The following RNF181 variants were observed in gnomAD, a reference collection of about 807,000 sequenced individuals.
RNF181 encodes the protein E3 ubiquitin-protein ligase RNF181.
Under a neutral mutation model 23.3 loss-of-function variants are expected in RNF181, and 25 were observed. That is an observed-to-expected ratio of 1.07 (90% CI 0.78 to 1.50). RNF181 has a LOEUF of 1.50. RNF181 is among the 40% of genes most tolerant of loss of function. RNF181 has a pLI of 0.00. For missense variants in RNF181, 167 were observed against 191.1 expected, an observed-to-expected ratio of 0.87 and a Z score of 0.74; for synonymous variants, 62 against 70.9, an observed-to-expected ratio of 0.87 and a Z score of 0.63.
rs1449850169 is a variant in RNF181, at chr2:85,596,890, C to G, written c.286C>G (p.His96Asp). 1 of 1,614,204 alleles carries G rather than the reference C, an allele frequency of 6.2e-7. No homozygotes were observed. The highest frequency in any genetic ancestry group is 1.3e-5 in the African/African-American group (1 of 75,038). The change falls in exon 3 of 5, where the codon CAC becomes GAC. Residue 96 changes from histidine to aspartate, a missense_variant. His to Asp is a moderately conservative substitution (Grantham distance 81). Coordinates refer to ENST00000306368, the MANE Select transcript of RNF181 (RefSeq NM_016494.4). ...EETAIEMPCH[H>D]LFHSSCILPW... ...GACTGCCATTGAGATGCCTTGCCAT[C>G]ACCTTTTCCATTCCAGCTGCATTCT...
Position 85,597,588 on chromosome 2 carries a change from G to A in RNF181, c.*84G>A. 6.3e-7 allele frequency: 1 copy of A among 1,584,662 alleles called. No homozygotes were observed. Among genetic ancestry groups the A allele is most frequent in the Non-Finnish European group, 8.6e-7 (1 of 1,167,108 alleles). On this transcript the variant is annotated 3_prime_UTR_variant, in exon 5 of 5. Transcript: ENST00000306368. ...TAAAGGTTTCTTTACCCACCCTGAG[G>A]CTGTATTGATCACAGACCTGGCCAG...
rs377168648 is a variant in RNF181 at position 85,597,535 on chromosome 2, G to T, written c.*31G>T. The T allele has an allele frequency of 6.2e-7, 1 of 1,612,922 alleles. No individual in the cohort carries two copies. Among genetic ancestry groups the T allele is most frequent in the East Asian group, 2.2e-5 (1 of 44,878 alleles). Reference sequence around the variant, plus strand: ...TTGGGGCTGAGTGCTGGCCCTCTGCGTCTTCCTTATTAACCTTGAATCCTC... The same window carrying T: ...TTGGGGCTGAGTGCTGGCCCTCTGCTTCTTCCTTATTAACCTTGAATCCTC... On this transcript the variant is annotated 3_prime_UTR_variant, in exon 5 of 5. Coordinates refer to ENST00000306368, the MANE Select transcript of RNF181 (RefSeq NM_016494.4).
In RNF181 at chr2:85,595,806, C is replaced by T. The variant is rs1440458183; in HGVS notation, c.43C>T (p.Pro15Ser). 1 of 1,614,026 alleles carries T rather than the reference C, an allele frequency of 6.2e-7. No homozygotes were observed. Among genetic ancestry groups the T allele is most frequent in the South Asian group, 1.1e-5 (1 of 91,070 alleles). ...FDEHDCEPSDPEQETRTNMLL... is the reference protein window; with the variant it reads ...FDEHDCEPSDSEQETRTNMLL... ...TGAACACGACTGCGAGCCGTCGGAC[C>T]CTGAGCAGGAGACGCGAACCAACAT... is the stretch of plus-strand genomic sequence containing the variant. Residue 15 changes from proline (P) to serine (S), a missense_variant, in exon 1 of 5, where the codon CCT (proline) becomes TCT (serine). Coordinates refer to ENST00000306368, the MANE Select transcript of RNF181 (RefSeq NM_016494.4).
intron 1 of RNF181, 88 bp from the exon 2 acceptor site, chr2:85,596,431 G>C: frequency 7.4e-7 from 1 of 1,359,950 alleles, no homozygotes; most frequent in Non-Finnish European, 1.0e-6. Flanking sequence ...TACTAGCTGG[G>C]CAGCGTGTTT....
At chr2:85,596,444 T>TAA (rs1412191545) in intron 1 of RNF181, 75 bp from the exon 2 acceptor site, 6 of 1,461,402 alleles carry the variant, frequency 4.1e-6, no homozygotes, top group Non-Finnish European at 5.5e-6. Context: ...GCGTGTTTAT[T>TAA]AATGTCCAGT....
chr2:85,595,847 A>C lies in RNF181; in HGVS notation c.84A>C (p.Ala28=). 6.2e-7 allele frequency: 1 copy of C among 1,613,620 alleles called. No homozygotes were observed. Among genetic ancestry groups the C allele is most frequent in the East Asian group, 2.2e-5 (1 of 44,858 alleles). ...ETRTNMLLEL[A]RSLFNRMDFE... Reference sequence around the variant, plus strand: ...GAACCAACATGCTGCTGGAGCTCGCAAGGTGGGTGCGCGGGGCTTGGGGAT... The same window carrying C: ...GAACCAACATGCTGCTGGAGCTCGCCAGGTGGGTGCGCGGGGCTTGGGGAT... The change falls in exon 1 of 5, where the codon GCA becomes GCC. Residue 28 remains alanine (A), a splice_region_variant and synonymous_variant. Transcript: ENST00000306368.
At chr2:85,596,072 G>T (rs1573353768) in intron 1 of RNF181, among the ~76,000 whole-genome samples, 1 of 152,044 alleles carries the variant, frequency 6.6e-6, no homozygotes, top group Non-Finnish European at 1.5e-5. Flanking sequence ...GGAAAGATTG[G>T]AGCTGGAGAG....
chr2:85,595,996 G>T (rs981124893), intron 1 of RNF181, 147 bp downstream of exon 1: 2 of 707,668 alleles, frequency 2.8e-6, no homozygotes, highest in African/African-American at 3.5e-5. Flanking sequence ...AGACTGAGGG[G>T]TGTGGGGATG....
At position 85,597,087 on chromosome 2, in the gene RNF181, T is replaced by C. The variant is rs1335115386; in HGVS notation, c.328-17T>C. The C allele has an allele frequency of 1.2e-6, 2 of 1,614,184 alleles. No homozygotes were observed. Among genetic ancestry groups the C allele is most frequent in the Non-Finnish European group, 1.7e-6 (2 of 1,180,020 alleles). On this transcript the variant is annotated splice_polypyrimidine_tract_variant and intron_variant, in intron 3 of 4. Coordinates refer to ENST00000306368, the MANE Select transcript of RNF181 (RefSeq NM_016494.4). Reference sequence around the variant, plus strand: ...GAAGATCAGACCAAGGCTAGAACACTACTCTACTTTTCTCAGACAAATTCC... The same window carrying C: ...GAAGATCAGACCAAGGCTAGAACACCACTCTACTTTTCTCAGACAAATTCC...
intron 4 of RNF181, 102 bp from the exon 5 acceptor site, chr2:85,597,343 G>A (rs1468270236): frequency 2.9e-5 from 42 of 1,458,070 alleles, no homozygotes; most frequent in Admixed American, 4.3e-5. Context: ...CAATGCAGAC[G>A]CCAGAGGCCT....
intron 1 of RNF181, among the ~76,000 whole-genome samples, chr2:85,596,126 CAG>C (rs1558826977): frequency 1.3e-5 from 2 of 151,310 alleles, no homozygotes; most frequent in East Asian, 3.9e-4. Flanking sequence ...TGGGAGGTCT[CAG>C]AGAAGGTGAG....
rs1487054795 is a variant in RNF181, at chr2:85,596,911, A to T, written c.307A>T (p.Ile103Phe). Reference protein sequence around the residue: ...PCHHLFHSSCILPWLSKTNSC... With the variant: ...PCHHLFHSSCFLPWLSKTNSC... Reference sequence around the variant, plus strand: ...CCATCACCTTTTCCATTCCAGCTGCATTCTGCCCTGGCTAAGCAAGGTACT... The same window carrying T: ...CCATCACCTTTTCCATTCCAGCTGCTTTCTGCCCTGGCTAAGCAAGGTACT... Residue 103 changes from isoleucine (I) to phenylalanine (F), a missense_variant, in exon 3 of 5, where the codon ATT becomes TTT. Physicochemically the swap from Ile to Phe is conservative, Grantham distance 21 (BLOSUM62 0). Coordinates refer to ENST00000306368, the MANE Select transcript of RNF181 (RefSeq NM_016494.4). The T allele has an allele frequency of 6.2e-6, 10 of 1,614,168 alleles. No individual in the cohort carries two copies. The highest frequency in any genetic ancestry group is 7.6e-6 in the Non-Finnish European group (9 of 1,180,030).
chr2:85,595,815 G>A lies in RNF181; in HGVS notation c.52G>A (p.Glu18Lys). 6.2e-7 allele frequency: 1 copy of A among 1,614,076 alleles called. No individual in the cohort carries two copies. Among genetic ancestry groups the A allele is most frequent in the Non-Finnish European group, 8.5e-7 (1 of 1,180,014 alleles). The part of the protein sequence containing the change: ...HDCEPSDPEQ[E>K]TRTNMLLELA... ...CTGCGAGCCGTCGGACCCTGAGCAG[G>A]AGACGCGAACCAACATGCTGCTGGA... Residue 18 changes from glutamate to lysine, a missense_variant, in exon 1 of 5, where the codon GAG (glutamate) becomes AAG (lysine). Glu to Lys is a moderately conservative substitution (Grantham distance 56). Coordinates refer to ENST00000306368, the MANE Select transcript of RNF181 (RefSeq NM_016494.4).
At chr2:85,597,049 G>A (rs1456005600) in intron 3 of RNF181, 55 bp from the exon 4 acceptor site, 4 of 1,614,152 alleles carry the variant, frequency 2.5e-6, no homozygotes, top group Non-Finnish European at 3.4e-6. Context: ...GGGGAGGGTG[G>A]TTATCAGCTT....
Position 85,597,599 on chromosome 2 carries a change from C to A in RNF181, c.*95C>A. On this transcript the variant is annotated 3_prime_UTR_variant, in exon 5 of 5. Coordinates refer to ENST00000306368, the MANE Select transcript of RNF181 (RefSeq NM_016494.4). ...TTACCCACCCTGAGGCTGTATTGAT[C>A]ACAGACCTGGCCAGGGGCTCTGCAT... 6.4e-7 allele frequency: 1 copy of A among 1,558,712 alleles called. No homozygotes were observed. The highest frequency in any genetic ancestry group is 1.2e-5 in the South Asian group (1 of 82,740).
At position 85,596,917 on chromosome 2, in the gene RNF181, C is replaced by T; in HGVS notation, c.313C>T (p.Pro105Ser). 1.2e-6 allele frequency: 2 copies of T among 1,614,180 alleles called. No individual in the cohort carries two copies. Among genetic ancestry groups the T allele is most frequent in the Non-Finnish European group, 1.7e-6 (2 of 1,180,022 alleles). ...CCTTTTCCATTCCAGCTGCATTCTG[C>T]CCTGGCTAAGCAAGGTACTGCTTCT... is the stretch of plus-strand genomic sequence containing the variant. ...HHLFHSSCIL[P>S]WLSKTNSCPL... Residue 105 changes from proline (P) to serine (S), a missense_variant, in exon 3 of 5, where the codon CCC (proline) becomes TCC (serine). Coordinates refer to ENST00000306368, the MANE Select transcript of RNF181 (RefSeq NM_016494.4).
rs763400270 is a variant in RNF181 at position 85,597,575 on chromosome 2, TACCCACCCTG to T, written c.*73_*82del. 1.2e-6 allele frequency: 2 copies of T among 1,601,118 alleles called. No individual in the cohort carries two copies. The highest frequency in any genetic ancestry group is 8.5e-7 in the Non-Finnish European group (1 of 1,174,194). ...CTTGAATCCTCATTAAAGGTTTCTT[TACCCACCCTG>T]AGGCTGTATTGATCACAGACCTGGC... On this transcript the variant is annotated 3_prime_UTR_variant, in exon 5 of 5. Coordinates refer to ENST00000306368, the MANE Select transcript of RNF181 (RefSeq NM_016494.4).
At position 85,596,705 on chromosome 2, in the gene RNF181, A is replaced by G. The variant is rs947151178; in HGVS notation, c.217+56A>G. On this transcript the variant is annotated intron_variant, in intron 2 of 4. Coordinates refer to ENST00000306368, the MANE Select transcript of RNF181 (RefSeq NM_016494.4). ...GCCAGACCCACCCCTTCCCCAAGCC[A>G]GACTGTGGTCTGGTCCTTCAGTTTT... 3.7e-6 allele frequency: 6 copies of G among 1,613,712 alleles called. No individual in the cohort carries two copies. The African/African-American group carries it at 6.7e-5, about 18-fold the overall frequency.
chr2:85,595,778 C>T lies in RNF181; in HGVS notation c.15C>T (p.Phe5=), dbSNP rs946189282. 4 of 1,613,814 alleles carry T rather than the reference C, an allele frequency of 2.5e-6. No homozygotes were observed. In the African/African-American group the frequency reaches 5.3e-5, roughly 22 times the overall value. The change falls in exon 1 of 5, where the codon TTC becomes TTT. Residue 5 remains phenylalanine, a synonymous_variant. Transcript: ENST00000306368. ...GCTGGGCAGCCATGGCGTCCTATTTCGATGAACACGACTGCGAGCCGTCGG... is the reference window on the plus strand; with the variant it reads ...GCTGGGCAGCCATGGCGTCCTATTTTGATGAACACGACTGCGAGCCGTCGG... MASY[F]DEHDCEPSDP...
Sources: allele counts gnomAD v4.1 joint callset (sites outside exome capture counted in the v4.1 genomes callset), GRCh38; gene constraint gnomAD v4.1.1; transcripts MANE v1.5; gene names NCBI Gene and HGNC (gene_info 2026-07-23, HGNC 2026-07-21).